Variants in SLC44A1 observed in about 807,000 individuals in gnomAD.
SLC44A1 encodes choline transporter-like protein 1.
A neutral mutation model predicts 79.3 loss-of-function variants in SLC44A1; 26 were observed. The observed-to-expected ratio is 0.33, with a 90% confidence interval of 0.24 to 0.46. The LOEUF (loss-of-function observed/expected upper bound fraction) is 0.46, where lower values mean the gene tolerates loss of function less well. Among genes scored for constraint, SLC44A1 ranks in the 20% least tolerant of loss-of-function variants. The probability of loss-of-function intolerance (pLI) is 1.00; values close to 1 mark genes in which losing one functional copy is unlikely to be tolerated. For synonymous variants in SLC44A1, 263 were observed against 286.2 expected, an observed-to-expected ratio of 0.92 and a Z score of 0.82; for missense variants, 688 against 798.1, an observed-to-expected ratio of 0.86 and a Z score of 1.66.
chr9:105,326,866 T>C (rs1018975147), intron 3 of SLC44A1, among the ~76,000 whole-genome samples: 2 of 152,204 alleles, frequency 1.3e-5, no homozygotes, highest in African/African-American at 4.8e-5. Context: ...CAGCCAACTG[T>C]ATAGGTCCAT....
chr9:105,303,934 T>A (rs1236302619), intron 2 of SLC44A1, among the ~76,000 whole-genome samples: 2 of 152,174 alleles, frequency 1.3e-5, no homozygotes, highest in Non-Finnish European at 2.9e-5. Flanking sequence ...AGTCTTCCAC[T>A]TCATATCTTG....
At chr9:105,252,630 TAC>T (rs1829616116) in intron 1 of SLC44A1, among the ~76,000 whole-genome samples, 4 of 152,322 alleles carry the variant, frequency 2.6e-5, no homozygotes, top group Admixed American at 2.6e-4. Context: ...CAGTCAGATT[TAC>T]AGTGGTGATG....
At chr9:105,333,793 G>T (rs548558638) in intron 3 of SLC44A1, among the ~76,000 whole-genome samples, 1 of 151,988 alleles carries the variant, frequency 6.6e-6, no homozygotes, top group East Asian at 1.9e-4. Flanking sequence ...CTGTGCAACA[G>T]GGCAGAACTC....
At chr9:105,403,598 T>C (rs137978561) in intron 15 of SLC44A1, among the ~76,000 whole-genome samples, 231 of 149,606 alleles carry the variant, frequency 1.5e-3, no homozygotes, top group African/African-American at 5.0e-3. Flanking sequence ...CTCTGAAAAC[T>C]CACACCATAT....
At chr9:105,311,212 C>T (rs1831171724) in intron 3 of SLC44A1, among the ~76,000 whole-genome samples, 1 of 152,042 alleles carries the variant, frequency 6.6e-6, no homozygotes, top group Non-Finnish European at 1.5e-5. Context: ...TTTGAAATAA[C>T]TTTAGACTCA....
In SLC44A1 at chr9:105,392,701, C is replaced by T. The variant is rs577613429; in HGVS notation, c.*3645C>T. On this transcript the variant is annotated 3_prime_UTR_variant, in exon 16 of 16. Coordinates refer to ENST00000374720, the MANE Select transcript of SLC44A1 (RefSeq NM_080546.5). ...TGAGGCTTCAACTATTTCCACCATG[C>T]ACTATTACTAGCTACTAACAGCCAT... is the stretch of plus-strand genomic sequence containing the variant. 28 of 985,400 alleles carry T rather than the reference C, an allele frequency of 2.8e-5. No homozygotes were observed. In the African/African-American group the frequency reaches 4.5e-4, roughly 16 times the overall value. The allele number at this position is 985,400 out of a possible 1,614,324, so 61.0% of individuals were successfully genotyped here.
At chr9:105,277,653 G>A (rs1320662495) in intron 1 of SLC44A1, among the ~76,000 whole-genome samples, 1 of 152,130 alleles carries the variant, frequency 6.6e-6, no homozygotes, top group East Asian at 1.9e-4. Flanking sequence ...TGCAAAATCA[G>A]GCACTGAAAA....
rs540371384 is a variant in SLC44A1 at position 105,394,013 on chromosome 9, A to G, written c.*4957A>G. Reference sequence around the variant, plus strand: ...AAAAACAAGTTATTTTGAAGAGACAATGGGTCTCTTTGAGCTTAAGAAAGC... The same window carrying G: ...AAAAACAAGTTATTTTGAAGAGACAGTGGGTCTCTTTGAGCTTAAGAAAGC... On this transcript the variant is annotated 3_prime_UTR_variant, in exon 16 of 16. Coordinates refer to ENST00000374720, the MANE Select transcript of SLC44A1 (RefSeq NM_080546.5). 84 of 984,448 alleles carry G rather than the reference A, an allele frequency of 8.5e-5. No homozygotes were observed. The Admixed American group carries it at 2.3e-3, about 27-fold the overall frequency. The allele number at this position is 984,448 out of a possible 1,614,324, so 61.0% of individuals were successfully genotyped here.
intron 1 of SLC44A1, among the ~76,000 whole-genome samples, chr9:105,256,521 A>C (rs1221582449): frequency 6.6e-6 from 1 of 151,320 alleles, no homozygotes; most frequent in Non-Finnish European, 1.5e-5. Flanking sequence ...TCATTATGTA[A>C]GCATATGGCT....
chr9:105,405,302 C>T (rs1362206029), intron 15 of SLC44A1, among the ~76,000 whole-genome samples: 1 of 145,168 alleles, frequency 6.9e-6, no homozygotes, highest in African/African-American at 2.6e-5. Flanking sequence ...GCCTGGGCGA[C>T]AGAGCAAGAC....
chr9:105,266,657 C>A (rs1829969571), intron 1 of SLC44A1, among the ~76,000 whole-genome samples: 1 of 152,080 alleles, frequency 6.6e-6, no homozygotes, highest in African/African-American at 2.4e-5. Context: ...TGGTTTCATC[C>A]ATTTGTTTGT....
At chr9:105,325,133 A>G (rs1564438335) in intron 3 of SLC44A1, among the ~76,000 whole-genome samples, 1 of 152,254 alleles carries the variant, frequency 6.6e-6, no homozygotes, top group Non-Finnish European at 1.5e-5. Flanking sequence ...AGGATAAACA[A>G]AATGTGGTAT....
chr9:105,324,016 G>GTTTTTT (rs1433828188), intron 3 of SLC44A1, among the ~76,000 whole-genome samples: 3 of 151,996 alleles, frequency 2.0e-5, no homozygotes, highest in African/African-American at 7.2e-5. Context: ...TTTTGTTTTT[G>GTTTTTT]TTTTTGACGG....
In SLC44A1 at chr9:105,365,530, G is replaced by T; in HGVS notation, c.1301G>T (p.Arg434Leu). The stretch of plus-strand genomic sequence containing the variant: ...ACACCTATTTTGGCATCAGTAAATC[G>T]CCTTATTCGTTACCACCTAGGTACG... ...PFTPILASVN[R>L]LIRYHLGTVA... is the part of the protein sequence containing the mutation. The change falls in exon 11 of 16, where the codon CGC (arginine) becomes CTC (leucine). Residue 434 changes from arginine to leucine, a missense_variant. Arg to Leu is a moderately radical substitution (Grantham distance 102). Transcript: ENST00000374720. 1 of 1,613,178 alleles carries T rather than the reference G, an allele frequency of 6.2e-7. No homozygotes were observed. Among genetic ancestry groups the T allele is most frequent in the Non-Finnish European group, 8.5e-7 (1 of 1,179,378 alleles).
intron 12 of SLC44A1, among the ~76,000 whole-genome samples, chr9:105,374,369 A>G (rs2131442437): frequency 6.6e-6 from 1 of 152,342 alleles, no homozygotes; most frequent in Non-Finnish European, 1.5e-5. Context: ...TTAATAAATA[A>G]CAATGTTTTT....
At chr9:105,371,646 G>A (rs1431989855) in intron 12 of SLC44A1, among the ~76,000 whole-genome samples, 1 of 148,776 alleles carries the variant, frequency 6.7e-6, no homozygotes, top group African/African-American at 2.5e-5. Context: ...GTGAACCCGG[G>A]AGGCAGAGCT....
At chr9:105,346,294 G>C (rs547892735) in intron 4 of SLC44A1, among the ~76,000 whole-genome samples, 1 of 152,146 alleles carries the variant, frequency 6.6e-6, no homozygotes, top group African/African-American at 2.4e-5. Context: ...CTTTCATTGA[G>C]TATTATCCTG....
chr9:105,384,874 C>T (rs1313975558), intron 14 of SLC44A1, among the ~76,000 whole-genome samples: 1 of 152,164 alleles, frequency 6.6e-6, no homozygotes. Flanking sequence ...GTTGATACAC[C>T]CTGTCTTCCT....
Position 105,391,289 on chromosome 9 carries a change from A to G in SLC44A1, c.*2233A>G. On this transcript the variant is annotated 3_prime_UTR_variant, in exon 16 of 16. Transcript: ENST00000374720. ...AAGCTACCAGGAATGCTTTCTAATT[A>G]TCATTTGCAACTAGAACTGTAATCA... 2 of 985,860 alleles carry G rather than the reference A, an allele frequency of 2.0e-6. No homozygotes were observed. The highest frequency in any genetic ancestry group is 9.4e-5 in the South Asian group (2 of 21,290). 61.1% of individuals were successfully genotyped at this position (985,860 alleles called of 1,614,324 possible).
Sources: allele counts gnomAD v4.1 joint callset (sites outside exome capture counted in the v4.1 genomes callset), GRCh38; gene constraint gnomAD v4.1.1; transcripts MANE v1.5; gene names NCBI Gene and HGNC (gene_info 2026-07-23, HGNC 2026-07-21).